The following TLE3 variants were observed in gnomAD, a reference collection of about 807,000 sequenced individuals.
TLE3 encodes TLE family member 3, transcriptional corepressor, also known as transducin-like enhancer protein 3.
Under a neutral mutation model 93.0 loss-of-function variants are expected in TLE3, and 14 were observed. That is an observed-to-expected ratio of 0.15 (90% CI 0.10 to 0.24). TLE3 has a LOEUF of 0.24. Among genes scored for constraint, TLE3 ranks in the 10% least tolerant of loss-of-function variants. TLE3 has a pLI of 1.00. For synonymous variants in TLE3, 451 were observed against 425.0 expected (o/e 1.06, Z -0.75); for missense variants, 693 against 1,046.6 (o/e 0.66, Z 4.66).
intron 14 of TLE3, 124 bp downstream of exon 14, chr15:70,056,174 T>G: frequency 9.2e-7 from 1 of 1,088,052 alleles, no homozygotes; most frequent in Middle Eastern, 2.0e-4. Context: ...CAGATACCTT[T>G]CCAAAGGGAG....
chr15:70,095,428 G>A, intron 3 of TLE3, 150 bp downstream of exon 3: 4 of 1,509,382 alleles, frequency 2.7e-6, no homozygotes, highest in Non-Finnish European at 3.5e-6. Context: ...GCTGGGGAAG[G>A]GGAGGGCAAG....
intron 4 of TLE3, among the ~76,000 whole-genome samples, chr15:70,088,883 C>T (rs1173642676): frequency 2.6e-5 from 4 of 151,912 alleles, no homozygotes; most frequent in Non-Finnish European, 5.9e-5. Flanking sequence ...CCCCCGCCCC[C>T]GCCCCCACCC....
chr15:70,081,814 A>T (rs530570215), intron 4 of TLE3, among the ~76,000 whole-genome samples: 5 of 152,214 alleles, frequency 3.3e-5, no homozygotes, highest in Non-Finnish European at 5.9e-5. Flanking sequence ...GGACCTGCCC[A>T]TTTGAAAGGT....
In TLE3 at chr15:70,066,176, C is replaced by T. The variant is rs781327333; in HGVS notation, c.415G>A (p.Gly139Ser). 31 of 1,543,644 alleles carry T rather than the reference C, an allele frequency of 2.0e-5. No homozygotes were observed. The highest frequency in any genetic ancestry group is 2.8e-5 in the African/African-American group (2 of 72,536). ...QAQHLSHATH[G>S]PPVQLPPHPS... ...TGGGGTGGCAACTGGACCGGGGGGC[C>T]GTGTGTGGCATGGGAGAGGTGCTGC... The change falls in exon 7 of 20, where the codon GGC becomes AGC. Residue 139 changes from glycine (G) to serine (S), a missense_variant. Physicochemically the swap from Gly to Ser is moderately conservative, Grantham distance 56. This residue lies in a region of TLE3 where 104 missense variants were observed against 173.8 expected (regional missense o/e 0.60). Transcript: ENST00000451782.
At chr15:70,069,288 T>C (rs1324957500) in intron 6 of TLE3, among the ~76,000 whole-genome samples, 1 of 152,148 alleles carries the variant, frequency 6.6e-6, no homozygotes, top group East Asian at 1.9e-4. Context: ...AAGGCCCAAT[T>C]AGACGCAGCT....
chr15:70,095,460 G>A (rs776753838), intron 3 of TLE3, 118 bp downstream of exon 3: 19 of 1,543,724 alleles, frequency 1.2e-5, no homozygotes, highest in Admixed American at 2.0e-5. Flanking sequence ...CCCTCTCTCA[G>A]GGCCGCCCTG....
In TLE3 at chr15:70,055,212, C is replaced by T. The variant is rs767474312; in HGVS notation, c.1415G>A (p.Arg472Lys). Residue 472 changes from arginine (R) to lysine (K), a missense_variant, in exon 15 of 20, where the codon AGG (arginine) becomes AAG (lysine). Arg to Lys is a conservative substitution (Grantham distance 26). Transcript: ENST00000451782. ...HDALAGPGIP[R>K]HARQINTLSH... ...GAGTGTGTTGATCTGCCGGGCGTGC[C>T]TCGGGATGCCGGGGCCTGCCAGGGC... 2.5e-6 allele frequency: 4 copies of T among 1,613,784 alleles called. No individual in the cohort carries two copies. Among genetic ancestry groups the T allele is most frequent in the Admixed American group, 1.7e-5 (1 of 60,002 alleles).
intron 4 of TLE3, among the ~76,000 whole-genome samples, chr15:70,081,579 A>G (rs1200083708): frequency 1.3e-5 from 2 of 152,246 alleles, no homozygotes; most frequent in Non-Finnish European, 2.9e-5. Context: ...CTGGTTGGTG[A>G]GGCTAAGACA....
chr15:70,060,134 C>T (rs1296306813), intron 9 of TLE3, among the ~76,000 whole-genome samples: 10 of 152,216 alleles, frequency 6.6e-5, no homozygotes. Context: ...GACTGGGTGG[C>T]CAAGTGAGTG....
intron 4 of TLE3, among the ~76,000 whole-genome samples, chr15:70,077,654 C>A (rs938645612): frequency 6.6e-6 from 1 of 152,216 alleles, no homozygotes; most frequent in Non-Finnish European, 1.5e-5. Context: ...GGGCTGCCAG[C>A]CACGGTGGCA....
intron 1 of TLE3, chr15:70,096,568 G>T (rs2058573323): frequency 6.7e-7 from 1 of 1,491,558 alleles, no homozygotes; most frequent in Non-Finnish European, 9.0e-7. Flanking sequence ...GCTCCCCCTG[G>T]AACACAAGCA....
chr15:70,094,294 C>T (rs1470416237), intron 4 of TLE3, among the ~76,000 whole-genome samples: 1 of 151,860 alleles, frequency 6.6e-6, no homozygotes, highest in African/African-American at 2.4e-5. Flanking sequence ...TATCCTCCAC[C>T]GAGATCCAAG....
Position 70,076,538 on chromosome 15 carries a change from G to A in TLE3, c.235-380C>T, listed in dbSNP as rs183822444. On this transcript the variant is annotated intron_variant, in intron 4 of 19. Transcript: ENST00000451782. ...GAGTGAAACACAGTTTAGTGAGAGA[G>A]GAATTGCTCTGCCCACTGGTGCCCA... 3.0e-3 allele frequency among the ~76,000 whole-genome samples: 453 copies of A among 152,274 alleles called. 1 individual carries two copies. Among genetic ancestry groups the A allele is most frequent in the Non-Finnish European group, 4.6e-3 (312 of 68,020 alleles).
chr15:70,052,252 G>C (rs2055616068), intron 18 of TLE3, 122 bp downstream of exon 18: 1 of 1,275,572 alleles, frequency 7.8e-7, no homozygotes, highest in South Asian at 1.5e-5. Context: ...CAGGGGTCAG[G>C]AGGCCTGGTT....
At position 70,096,845 on chromosome 15, in the gene TLE3, C is replaced by G. The variant is rs200920112; in HGVS notation, c.-47G>C. On this transcript the variant is annotated 5_prime_UTR_variant, in exon 1 of 20. Transcript: ENST00000451782. ...CGAGAGCGTGGAAGCGCCGAGAGCCCGGGCCGGGGAGGTGCGGGGGAGGGG... is the reference window on the plus strand; with the variant it reads ...CGAGAGCGTGGAAGCGCCGAGAGCCGGGGCCGGGGAGGTGCGGGGGAGGGG... The G allele has an allele frequency of 0.026, 41,755 of 1,590,828 alleles. 637 individuals are homozygous for G. Among genetic ancestry groups the G allele is most frequent in the Non-Finnish European group, 0.03 (34,951 of 1,169,260 alleles).
rs3784663 is a variant in TLE3, at chr15:70,070,403, C to T, written c.372+4130G>A. Among the ~76,000 whole-genome samples the T allele has an allele frequency of 0.02, 3,095 of 152,296 alleles. 136 individuals carry two copies. In the East Asian group the frequency reaches 0.21, roughly 10 times the overall value. ...TCTCAGGTTCATGATTTGGGTTGAACGTAGTGAAGTTGTCTAAGCATTTCC... is the reference window on the plus strand; with the variant it reads ...TCTCAGGTTCATGATTTGGGTTGAATGTAGTGAAGTTGTCTAAGCATTTCC... On this transcript the variant is annotated intron_variant, in intron 6 of 19. Transcript: ENST00000451782.
At chr15:70,072,551 A>C (rs1028432102) in intron 6 of TLE3, among the ~76,000 whole-genome samples, 3 of 152,226 alleles carry the variant, frequency 2.0e-5, no homozygotes, top group Admixed American at 1.3e-4. Context: ...GACAGATGAC[A>C]CAGGCCACCC....
intron 6 of TLE3, 123 bp from the exon 7 acceptor site, chr15:70,066,341 A>T: frequency 1.2e-6 from 1 of 841,374 alleles, no homozygotes; most frequent in Non-Finnish European, 1.7e-6. Context: ...GGTGGGTGGC[A>T]GGGGGAAGCA....
chr15:70,092,540 A>G (rs561363185), intron 4 of TLE3, among the ~76,000 whole-genome samples: 21 of 152,314 alleles, frequency 1.4e-4, no homozygotes, highest in African/African-American at 5.1e-4. Context: ...ACCTATAAAC[A>G]GGGGGCAAAG....
Sources: gnomAD v4.1 joint callset for allele counts (sites outside exome capture counted in the v4.1 genomes callset) on GRCh38, gnomAD v4.1.1 for gene constraint, gnomAD v4.1.1 regional missense constraint, MANE v1.5 for transcripts, NCBI Gene and HGNC (gene_info 2026-07-23, HGNC 2026-07-21) for gene names.